MAGI3: variants seen among roughly 807,000 people sequenced by gnomAD.
The protein encoded by MAGI3 is membrane associated guanylate kinase, WW and PDZ domain containing 3, also known as membrane-associated guanylate kinase, WW and PDZ domain-containing protein 3.
MAGI3 carries 43 observed loss-of-function variants against 121.8 expected under a neutral mutation model. The observed-to-expected ratio is 0.35, with a 90% CI of 0.28 to 0.46. The LOEUF (loss-of-function observed/expected upper bound fraction) is 0.46. Ranked by LOEUF, MAGI3 falls within the 20% of genes least tolerant of loss-of-function variation. The pLI, the probability that MAGI3 is intolerant of heterozygous loss-of-function variation, is 1.00. For missense variants in MAGI3, 1,547 were observed against 1,797.3 expected, an observed-to-expected ratio of 0.86 and a Z score of 2.52; for synonymous variants, 553 against 639.3, an observed-to-expected ratio of 0.86 and a Z score of 2.04.
chr1:113,429,768 G>A (rs1430742912), intron 1 of MAGI3, among the ~76,000 whole-genome samples: 1 of 152,152 alleles, frequency 6.6e-6, no homozygotes, highest in African/African-American at 2.4e-5. Context: ...AAAAGTAGGG[G>A]TATTACAAAG....
chr1:113,681,811 A>T (rs902740176), intron 20 of MAGI3, among the ~76,000 whole-genome samples: 1 of 152,228 alleles, frequency 6.6e-6, no homozygotes, highest in African/African-American at 2.4e-5. Context: ...ACAAGTTGCT[A>T]TCACCCTACC....
At chr1:113,522,255 G>A (rs911022347) in intron 1 of MAGI3, among the ~76,000 whole-genome samples, 18 of 152,080 alleles carry the variant, frequency 1.2e-4, no homozygotes, top group African/African-American at 3.6e-4. Flanking sequence ...ACAGGCCTGC[G>A]CCACATGCCC....
rs530810624 is a variant in MAGI3 at position 113,486,145 on chromosome 1, G to A, written c.317-63370G>A. On this transcript the variant is annotated intron_variant, in intron 1 of 20. Transcript: ENST00000307546. ...TTGCTTAGTCTTGCTTTGGCTATGCGGGCTCTTTTTTGGTTCCATATGAAT... is the reference window on the plus strand; with the variant it reads ...TTGCTTAGTCTTGCTTTGGCTATGCAGGCTCTTTTTTGGTTCCATATGAAT... Among the ~76,000 whole-genome samples the A allele has an allele frequency of 5.3e-5, 8 of 152,162 alleles. No individual in the cohort carries two copies. In the East Asian group the frequency reaches 7.7e-4, roughly 15 times the overall value.
At chr1:113,579,825 G>A (rs545643292) in intron 2 of MAGI3, among the ~76,000 whole-genome samples, 1 of 152,194 alleles carries the variant, frequency 6.6e-6, no homozygotes, top group East Asian at 1.9e-4. Context: ...CTGAATAGGG[G>A]CCTAAGTGGA....
chr1:113,467,390 T>A (rs866477985), intron 1 of MAGI3, among the ~76,000 whole-genome samples: 2 of 152,182 alleles, frequency 1.3e-5, no homozygotes, highest in Admixed American at 1.3e-4. Context: ...GAATGTTCCA[T>A]GTGCTGATGA....
intron 9 of MAGI3, among the ~76,000 whole-genome samples, chr1:113,637,629 G>T (rs1652128119): frequency 6.6e-6 from 1 of 152,176 alleles, no homozygotes; most frequent in Non-Finnish European, 1.5e-5. Flanking sequence ...CCCTTTGTGG[G>T]TAACCCGACC....
chr1:113,680,806 T>C (rs983842295), intron 19 of MAGI3, among the ~76,000 whole-genome samples: 2 of 152,102 alleles, frequency 1.3e-5, no homozygotes, highest in African/African-American at 2.4e-5. Flanking sequence ...AGGAAAGTTT[T>C]ATATGGCTAT....
At chr1:113,447,817 T>C (rs1286383777) in intron 1 of MAGI3, among the ~76,000 whole-genome samples, 1 of 151,864 alleles carries the variant, frequency 6.6e-6, no homozygotes, top group Non-Finnish European at 1.5e-5. Context: ...ATCACGCCAC[T>C]GCACTCCAGC....
intron 9 of MAGI3, among the ~76,000 whole-genome samples, chr1:113,629,758 CT>C (rs1430336477): frequency 0.26 from 16,080 of 60,716 alleles, 1,035 homozygotes; most frequent in East Asian, 0.5. Context: ...CTCTCTCTCT[CT>C]CTCCCTCCCT....
intron 9 of MAGI3, among the ~76,000 whole-genome samples, chr1:113,635,518 T>A (rs1313307628): frequency 1.3e-5 from 2 of 152,204 alleles, no homozygotes; most frequent in Non-Finnish European, 1.5e-5. Flanking sequence ...GTTTATATGC[T>A]GGATTACATT....
chr1:113,542,115 C>T (rs546082677), intron 1 of MAGI3, among the ~76,000 whole-genome samples: 26 of 152,286 alleles, frequency 1.7e-4, no homozygotes, highest in African/African-American at 6.0e-4. Flanking sequence ...TAGTCCCCCC[C>T]TCCTTATTCT....
Position 113,672,612 on chromosome 1 carries a change from T to C in MAGI3, c.2919-3T>C, listed in dbSNP as rs764252269. 18 of 1,612,130 alleles carry C rather than the reference T, an allele frequency of 1.1e-5. No homozygotes were observed. Among genetic ancestry groups the C allele is most frequent in the Non-Finnish European group, 1.5e-5 (18 of 1,179,298 alleles). ...AGAGTGACTTGATTTCTCTCTCTTG[T>C]AGAAGTGCCCTAGAAGGTGAAATTG... On this transcript the variant is annotated splice_polypyrimidine_tract_variant and splice_region_variant and intron_variant, in intron 17 of 20. Transcript: ENST00000307546.
chr1:113,601,573 C>G (rs1198187877), intron 6 of MAGI3, among the ~76,000 whole-genome samples: 2 of 149,520 alleles, frequency 1.3e-5, no homozygotes, highest in Non-Finnish European at 3.0e-5. Flanking sequence ...CAGGAAACAA[C>G]AGGTGCTGGA....
chr1:113,492,867 A>G (rs1656736296), intron 1 of MAGI3, among the ~76,000 whole-genome samples: 1 of 152,222 alleles, frequency 6.6e-6, no homozygotes, highest in South Asian at 2.1e-4. Flanking sequence ...GAGGAGAACT[A>G]CAAAATATTG....
chr1:113,404,303 G>A (rs1340401827), intron 1 of MAGI3: 1 of 152,066 alleles, frequency 6.6e-6, no homozygotes, highest in Non-Finnish European at 1.5e-5. Flanking sequence ...ATTAAGGGTG[G>A]GAGCTTCAGC....
At chr1:113,654,694 T>TA (rs1653373712) in intron 15 of MAGI3, among the ~76,000 whole-genome samples, 1 of 152,118 alleles carries the variant, frequency 6.6e-6, no homozygotes, top group South Asian at 2.1e-4. Flanking sequence ...TCAGGGCTGT[T>TA]ACGATTCAGC....
At chr1:113,663,315 ACATT>A (rs1175640796) in intron 16 of MAGI3, among the ~76,000 whole-genome samples, 1 of 150,678 alleles carries the variant, frequency 6.6e-6, no homozygotes, top group East Asian at 1.9e-4. Flanking sequence ...CACTAGTTCC[ACATT>A]TTATTGCTCC....
intron 16 of MAGI3, among the ~76,000 whole-genome samples, chr1:113,660,404 A>G (rs772028398): frequency 6.6e-6 from 1 of 151,902 alleles, no homozygotes; most frequent in South Asian, 2.1e-4. Context: ...AGCCTTTTAA[A>G]TGTACTTCTC....
At chr1:113,404,468 T>C (rs1383192759) in intron 1 of MAGI3, 2 of 152,220 alleles carry the variant, frequency 1.3e-5, no homozygotes, top group Admixed American at 6.5e-5. Context: ...AATTATTTCC[T>C]AATTATTTGC....
Sources: gnomAD v4.1 joint callset for allele counts (sites outside exome capture counted in the v4.1 genomes callset) on GRCh38, gnomAD v4.1.1 for gene constraint, MANE v1.5 for transcripts, NCBI Gene and HGNC (gene_info 2026-07-23, HGNC 2026-07-21) for gene names.